The following SGCD variants were observed in gnomAD, a reference collection of about 807,000 sequenced individuals.
SGCD encodes sarcoglycan delta.
Under a neutral mutation model 36.6 loss-of-function variants are expected in SGCD, and 18 were observed. That is an observed-to-expected ratio of 0.49 (90% CI 0.34 to 0.73). The LOEUF (loss-of-function observed/expected upper bound fraction) is 0.73, where lower values mean the gene tolerates loss of function less well. Among genes scored for constraint, SGCD ranks in the 30% least tolerant of loss-of-function variants. The pLI, the probability that SGCD is intolerant of heterozygous loss-of-function variation, is 0.01. For missense variants in SGCD, 387 were observed against 346.7 expected (o/e 1.12, Z -0.92); for synonymous variants, 133 against 130.6 (o/e 1.02, Z -0.12).
chr5:156,020,975 C>T (rs1247886075), intron 1 of SGCD, among the ~76,000 whole-genome samples: 4 of 152,190 alleles, frequency 2.6e-5, no homozygotes, highest in African/African-American at 9.6e-5. Flanking sequence ...ACAAAACAAT[C>T]ATTGTTCATA....
intron 3 of SGCD, among the ~76,000 whole-genome samples, chr5:156,161,555 C>T (rs72807777): frequency 6.6e-6 from 1 of 152,016 alleles, no homozygotes; most frequent in Non-Finnish European, 1.5e-5. Flanking sequence ...GGGCACAAAG[C>T]TGGTGAATTG....
intron 7 of SGCD, among the ~76,000 whole-genome samples, chr5:156,684,306 G>A (rs1382426255): frequency 1.3e-5 from 2 of 152,136 alleles, no homozygotes; most frequent in African/African-American, 2.4e-5. Context: ...GAAAGAAAGT[G>A]TAACACTGCT....
intron 3 of SGCD, among the ~76,000 whole-genome samples, chr5:156,369,142 C>T (rs1385471483): frequency 6.6e-6 from 1 of 152,200 alleles, no homozygotes; most frequent in Non-Finnish European, 1.5e-5. Flanking sequence ...TAACATAACA[C>T]ATTATTAATC....
intron 3 of SGCD, among the ~76,000 whole-genome samples, chr5:156,234,607 C>T (rs1426351179): frequency 6.6e-6 from 1 of 152,146 alleles, no homozygotes; most frequent in East Asian, 1.9e-4. Context: ...GAGCATGGCA[C>T]TAGGGTCTGA....
chr5:155,849,446 G>GCACA, the SGCD span, among the ~76,000 whole-genome samples: 130 of 149,932 alleles, frequency 8.7e-4, no homozygotes, highest in African/African-American at 1.3e-3. Context: ...ATGTGCGCGC[G>GCACA]CACACACACA....
chr5:156,042,670 C>G (rs1045484356), intron 1 of SGCD, among the ~76,000 whole-genome samples: 1 of 152,122 alleles, frequency 6.6e-6, no homozygotes, highest in Admixed American at 6.6e-5. Flanking sequence ...TTTGTGTGCT[C>G]AGTCAGCTTC....
At chr5:156,688,245 G>T (rs1753979452) in intron 7 of SGCD, among the ~76,000 whole-genome samples, 1 of 151,894 alleles carries the variant, frequency 6.6e-6, no homozygotes, top group African/African-American at 2.4e-5. Flanking sequence ...GCTATTTTTG[G>T]CATAGTGGCT....
rs544035200 is a variant in SGCD, at chr5:156,086,519, C to T, written c.-281-31359C>T. 3.9e-5 allele frequency among the ~76,000 whole-genome samples: 6 copies of T among 152,296 alleles called. No homozygotes were observed. The East Asian group carries it at 1.2e-3, about 29-fold the overall frequency. On this transcript the variant is annotated intron_variant, in intron 1 of 9. Coordinates refer to the SGCD transcript ENST00000517913. ...GGCACTCAGGAGTGGTGAGGGGTTA[C>T]AAGGCTACATGACTTGTTCTGATGA...
intron 3 of SGCD, among the ~76,000 whole-genome samples, chr5:156,138,545 T>A (rs1762510028): frequency 6.6e-6 from 1 of 152,270 alleles, no homozygotes; most frequent in Admixed American, 6.5e-5. Flanking sequence ...CCATTTTACT[T>A]CTCACCAGCA....
the SGCD span, among the ~76,000 whole-genome samples, chr5:155,817,231 G>A: frequency 2.0e-5 from 3 of 152,076 alleles, no homozygotes; most frequent in African/African-American, 7.2e-5. Context: ...GAATACTGCT[G>A]TACATACAAT....
At chr5:156,468,444 G>C (rs1409719976) in intron 3 of SGCD, among the ~76,000 whole-genome samples, 1 of 151,570 alleles carries the variant, frequency 6.6e-6, no homozygotes, top group Non-Finnish European at 1.5e-5. Context: ...TGACATAAAA[G>C]AGGTACTCAG....
chr5:156,667,514 G>C (rs1753102263), intron 7 of SGCD, among the ~76,000 whole-genome samples: 1 of 152,122 alleles, frequency 6.6e-6, no homozygotes, highest in South Asian at 2.1e-4. Flanking sequence ...TTGGTCATAA[G>C]CACAAATACT....
At chr5:156,151,433 T>C (rs1393163508) in intron 3 of SGCD, among the ~76,000 whole-genome samples, 2 of 151,748 alleles carry the variant, frequency 1.3e-5, no homozygotes, top group Non-Finnish European at 2.9e-5. Context: ...TAAGATTCCT[T>C]ATTTTCTTTA....
chr5:156,348,359 A>C (rs1029567806), intron 3 of SGCD, among the ~76,000 whole-genome samples: 6 of 152,170 alleles, frequency 3.9e-5, no homozygotes, highest in African/African-American at 9.7e-5. Context: ...AGAAAACTCT[A>C]AAGGCTCCTC....
At chr5:156,203,129 C>T (rs1211818327) in intron 3 of SGCD, among the ~76,000 whole-genome samples, 2 of 152,080 alleles carry the variant, frequency 1.3e-5, no homozygotes, top group African/African-American at 4.8e-5. Context: ...TGTGGGGAAA[C>T]TATACTCTAT....
intron 4 of SGCD, among the ~76,000 whole-genome samples, chr5:156,559,452 C>G (rs865911632): frequency 3.3e-5 from 5 of 152,306 alleles, no homozygotes; most frequent in Middle Eastern, 3.4e-3. Flanking sequence ...CGTACACTGT[C>G]TAGATAGATG....
chr5:156,759,427 G>A lies in SGCD; in HGVS notation c.*37G>A, dbSNP rs1307690597. The A allele has an allele frequency of 6.7e-7, 1 of 1,488,238 alleles. No individual in the cohort carries two copies. Among genetic ancestry groups the A allele is most frequent in the East Asian group, 2.3e-5 (1 of 43,880 alleles). 92.2% of individuals were successfully genotyped at this position (1,488,238 alleles called of 1,614,324 possible). A position where few individuals can be genotyped will look rare whatever the true frequency, so the allele number is the denominator to read the frequency against. On this transcript the variant is annotated 3_prime_UTR_variant, in exon 9 of 9. Coordinates refer to ENST00000337851, the MANE Select transcript of SGCD (RefSeq NM_000337.6). ...TAGTGGACATTGTTGGCAGCATAAA[G>A]GCCTTTTTTGGCTTTAGACACTGGC... is the stretch of plus-strand genomic sequence containing the variant.
At chr5:156,755,689 G>A (rs1300606765) in intron 7 of SGCD, among the ~76,000 whole-genome samples, 1 of 152,238 alleles carries the variant, frequency 6.6e-6, no homozygotes, top group Non-Finnish European at 1.5e-5. Flanking sequence ...AAGGTCTTAA[G>A]AGGAGGGGAG....
At chr5:156,101,056 T>C (rs898819338) in intron 1 of SGCD, among the ~76,000 whole-genome samples, 3 of 152,216 alleles carry the variant, frequency 2.0e-5, no homozygotes, top group Non-Finnish European at 2.9e-5. Context: ...AGATGATCTC[T>C]GTCTCTGCTA....
Sources: gnomAD v4.1 joint callset for allele counts (sites outside exome capture counted in the v4.1 genomes callset) on GRCh38, gnomAD v4.1.1 for gene constraint, MANE v1.5 for transcripts, NCBI Gene and HGNC (gene_info 2026-07-23, HGNC 2026-07-21) for gene names.